ANKFN1: variants seen among roughly 807,000 people sequenced by gnomAD.
ANKFN1 encodes ankyrin repeat and fibronectin type-III domain-containing protein 1.
In ANKFN1, 74 loss-of-function variants were observed where a neutral mutation model predicts 108.7. The ratio of observed to expected loss-of-function variants is 0.68; its 90% confidence interval spans 0.56 to 0.83. The LOEUF (loss-of-function observed/expected upper bound fraction) is 0.83. ANKFN1 is among the 40% of genes least tolerant of loss of function. ANKFN1 has a pLI of 0.00. For synonymous variants in ANKFN1, 547 were observed against 516.2 expected, an observed-to-expected ratio of 1.06 and a Z score of -0.81; for missense variants, 1,505 against 1,382.3, an observed-to-expected ratio of 1.09 and a Z score of -1.41.
intron 8 of ANKFN1, among the ~76,000 whole-genome samples, chr17:56,413,318 T>C (rs2048149916): frequency 6.6e-6 from 1 of 152,190 alleles, no homozygotes; most frequent in African/African-American, 2.4e-5. Flanking sequence ...TGAAGCAACT[T>C]TGGGGCCAAG....
chr17:56,383,503 G>A (rs1328892217), intron 8 of ANKFN1, among the ~76,000 whole-genome samples: 2 of 152,208 alleles, frequency 1.3e-5, no homozygotes, highest in South Asian at 2.1e-4. Context: ...AGGAATTAGA[G>A]ACACAAAAAA....
intron 8 of ANKFN1, among the ~76,000 whole-genome samples, chr17:56,438,323 C>G (rs2048990829): frequency 1.3e-5 from 2 of 152,036 alleles, no homozygotes; most frequent in African/African-American, 4.8e-5. Flanking sequence ...GGAAAAGACA[C>G]AGAAGCAGAA....
At chr17:56,471,832 G>A (rs2050327262) in intron 15 of ANKFN1, 1 of 152,234 alleles carries the variant, frequency 6.6e-6, no homozygotes, top group South Asian at 2.1e-4. Context: ...GCTATGCCCA[G>A]AATAGGCAAA....
intron 5 of ANKFN1, among the ~76,000 whole-genome samples, 154 bp from the exon 6 acceptor site, chr17:56,353,682 A>G (rs546102964): frequency 1.3e-5 from 2 of 152,316 alleles, no homozygotes; most frequent in South Asian, 2.1e-4. Flanking sequence ...AGCCTAACAG[A>G]GTGTTTACTT....
intron 11 of ANKFN1, among the ~76,000 whole-genome samples, chr17:56,455,335 G>A (rs1460490739): frequency 6.6e-6 from 1 of 152,148 alleles, no homozygotes; most frequent in East Asian, 1.9e-4. Context: ...GGAAGTCCCA[G>A]CAGCATTATT....
chr17:56,386,909 A>T (rs2047293500), intron 8 of ANKFN1, among the ~76,000 whole-genome samples: 2 of 152,120 alleles, frequency 1.3e-5, no homozygotes, highest in South Asian at 4.1e-4. Flanking sequence ...GTTAAATTGT[A>T]TCATGATTTT....
rs188086437 is a variant in ANKFN1, at chr17:56,281,523, C to T, written c.54-44698C>T. Among the ~76,000 whole-genome samples, 367 of 152,182 alleles carry T rather than the reference C, an allele frequency of 2.4e-3. 2 individuals carry two copies. The highest frequency in any genetic ancestry group is 8.4e-3 in the African/African-American group (351 of 41,542). On this transcript the variant is annotated intron_variant, in intron 3 of 20. Coordinates refer to ENST00000682825, the MANE Select transcript of ANKFN1 (RefSeq NM_001370326.1). Reference sequence around the variant, plus strand: ...AGTACTACCCATTAAAAAAGTACTTCATCTAAATTAAAAATTAAAGACTCC... The same window carrying T: ...AGTACTACCCATTAAAAAAGTACTTTATCTAAATTAAAAATTAAAGACTCC...
chr17:56,192,062 A>G (rs1044625316), intron 1 of ANKFN1, among the ~76,000 whole-genome samples: 1 of 152,104 alleles, frequency 6.6e-6, no homozygotes, highest in Admixed American at 6.5e-5. Flanking sequence ...TTTTCAGCTC[A>G]ATGCAACAGA....
intron 8 of ANKFN1, among the ~76,000 whole-genome samples, chr17:56,399,727 T>C (rs1356771567): frequency 6.6e-6 from 1 of 151,762 alleles, no homozygotes; most frequent in Non-Finnish European, 1.5e-5. Flanking sequence ...GAACATATGA[T>C]GTTTGGCTTT....
intron 3 of ANKFN1, among the ~76,000 whole-genome samples, chr17:56,235,173 C>A (rs1917033330): frequency 6.6e-6 from 1 of 152,056 alleles, no homozygotes; most frequent in Admixed American, 6.6e-5. Flanking sequence ...CTGTTCATGT[C>A]CATTGCCCAC....
In ANKFN1 at chr17:56,093,603, C is replaced by T. The variant is rs967255451; in HGVS notation, c.288+47278C>T. ...TCACTGCATGCGTTATGAGCCACACCCATCCAAGAAGTGCTACAACTTGCC... is the reference window on the plus strand; with the variant it reads ...TCACTGCATGCGTTATGAGCCACACTCATCCAAGAAGTGCTACAACTTGCC... On this transcript the variant is annotated intron_variant, in intron 4 of 12. Transcript: ENST00000635860. Among the ~76,000 whole-genome samples, 21 of 151,304 alleles carry T rather than the reference C, an allele frequency of 1.4e-4. 2 individuals carry two copies. The highest frequency in any genetic ancestry group is 1.2e-3 in the Admixed American group (18 of 15,162).
chr17:56,211,895 T>C (rs113954275), intron 1 of ANKFN1, among the ~76,000 whole-genome samples: 4,026 of 152,318 alleles, frequency 0.026, 161 homozygotes, highest in African/African-American at 0.091. Context: ...GATTTGATTC[T>C]CGGCTTGGTC....
intron 11 of ANKFN1, among the ~76,000 whole-genome samples, chr17:56,452,174 G>A (rs2049510236): frequency 6.6e-6 from 1 of 152,172 alleles, no homozygotes; most frequent in Admixed American, 6.5e-5. Context: ...CAATACAATA[G>A]TAACTGAAAC....
At chr17:56,225,254 G>C (rs1916177918) in intron 2 of ANKFN1, among the ~76,000 whole-genome samples, 1 of 152,076 alleles carries the variant, frequency 6.6e-6, no homozygotes, top group African/African-American at 2.4e-5. Context: ...TCTAGCGTAA[G>C]AATAATATCT....
At chr17:56,360,773 T>C (rs947250764) in intron 6 of ANKFN1, among the ~76,000 whole-genome samples, 1 of 152,228 alleles carries the variant, frequency 6.6e-6, no homozygotes, top group Non-Finnish European at 1.5e-5. Context: ...TTTGAGTTGA[T>C]AGTTGCATTT....
At chr17:56,138,999 A>G (rs1366762936) in intron 4 of ANKFN1, among the ~76,000 whole-genome samples, 1 of 152,206 alleles carries the variant, frequency 6.6e-6, no homozygotes. Flanking sequence ...TCCTCTTAAC[A>G]ACCTTATTAT....
At chr17:56,495,098 C>G (rs1368367182) in intron 19 of ANKFN1, among the ~76,000 whole-genome samples, 2 of 152,158 alleles carry the variant, frequency 1.3e-5, no homozygotes, top group Non-Finnish European at 2.9e-5. Flanking sequence ...TGAGAGCCCT[C>G]TCTACATACT....
chr17:56,068,632 ACT>A (rs1012016555), intron 4 of ANKFN1, among the ~76,000 whole-genome samples: 13 of 151,780 alleles, frequency 8.6e-5, no homozygotes, highest in African/African-American at 3.2e-4. Flanking sequence ...AATTCCACAA[ACT>A]CTTTCTCCAG....
intron 1 of ANKFN1, among the ~76,000 whole-genome samples, chr17:56,177,698 C>A (rs1270064385): frequency 2.6e-5 from 4 of 152,124 alleles, no homozygotes; most frequent in African/African-American, 9.7e-5. Flanking sequence ...GTGATGTCTG[C>A]AACAGCAGAA....
Sources: gnomAD v4.1 joint callset for allele counts (sites outside exome capture counted in the v4.1 genomes callset) on GRCh38, gnomAD v4.1.1 for gene constraint, MANE v1.5 for transcripts, NCBI Gene and HGNC (gene_info 2026-07-23, HGNC 2026-07-21) for gene names.